The following OTUD5 variants were observed in gnomAD, a reference collection of about 807,000 sequenced individuals.
OTUD5 encodes the protein OTU domain-containing protein 5.
In OTUD5, 2 loss-of-function variants were observed where a neutral mutation model predicts 36.3. That is an observed-to-expected ratio of 0.06 (90% CI 0.02 to 0.17). OTUD5 has a LOEUF of 0.17. OTUD5 is among the 10% of genes least tolerant of loss of function. The probability of loss-of-function intolerance (pLI) is 1.00; values close to 1 mark genes in which losing one functional copy is unlikely to be tolerated. For missense variants in OTUD5, 233 were observed against 512.3 expected, an observed-to-expected ratio of 0.45 and a Z score of 5.26; for synonymous variants, 234 against 214.9, an observed-to-expected ratio of 1.09 and a Z score of -0.78.
chrX:48,955,104 A>G (rs1181579769), intron 1 of OTUD5, among the ~76,000 whole-genome samples: 1 of 111,758 alleles, frequency 8.9e-6, no homozygotes, highest in Non-Finnish European at 1.9e-5. Context: ...TGTCCCAGAG[A>G]GAAAGCTTGG....
intron 5 of OTUD5, among the ~76,000 whole-genome samples, chrX:48,932,130 T>TGA (rs1334705934): frequency 7.9e-5 from 8 of 100,935 alleles, no homozygotes; most frequent in African/African-American, 2.9e-4. Flanking sequence ...GCCTGGGTGA[T>TGA]GAGAGAGAAA....
intron 1 of OTUD5, among the ~76,000 whole-genome samples, chrX:48,955,743 G>A (rs782484908): frequency 3.6e-5 from 4 of 111,378 alleles, no homozygotes; most frequent in Admixed American, 9.5e-5. Flanking sequence ...TCAAACCCCT[G>A]TTACAGAGGG....
chrX:48,926,351 ATTTT>A (rs1318338115), intron 5 of OTUD5, among the ~76,000 whole-genome samples: 3 of 94,832 alleles, frequency 3.2e-5, no homozygotes, highest in Non-Finnish European at 4.2e-5. Context: ...CCTGGGACTT[ATTTT>A]TTTTTTTTTT....
At chrX:48,944,868 C>T (rs967628122) in intron 1 of OTUD5, among the ~76,000 whole-genome samples, 13 of 111,142 alleles carry the variant, frequency 1.2e-4, no homozygotes, top group African/African-American at 3.3e-4. Flanking sequence ...AATAAAAATA[C>T]AAAAGTAGTC....
At chrX:48,925,454 C>CA (rs1178463217) in intron 6 of OTUD5, among the ~76,000 whole-genome samples, 3 of 110,888 alleles carry the variant, frequency 2.7e-5, no homozygotes, top group African/African-American at 9.9e-5. Context: ...ACTGATCTCC[C>CA]AGTCAGGGTC....
chrX:48,943,044 T>C lies in OTUD5; in HGVS notation c.688+1146A>G, dbSNP rs145707678. 7.0e-3 allele frequency among the ~76,000 whole-genome samples: 781 copies of C among 111,103 alleles called. 2 individuals carry two copies. The highest frequency in any genetic ancestry group is 0.01 in the Non-Finnish European group (556 of 52,977). On this transcript the variant is annotated intron_variant, in intron 2 of 8. Coordinates refer to ENST00000376488, the MANE Select transcript of OTUD5 (RefSeq NM_001136157.2). Reference sequence around the variant, plus strand: ...GACCAAGAAGGAACTCAAAGAGGCATTGAGAATCAACACCATTTCACAGAC... The same window carrying C: ...GACCAAGAAGGAACTCAAAGAGGCACTGAGAATCAACACCATTTCACAGAC...
At chrX:48,932,987 C>T (rs896917550) in intron 5 of OTUD5, among the ~76,000 whole-genome samples, 1 of 109,071 alleles carries the variant, frequency 9.2e-6, no homozygotes, top group Non-Finnish European at 1.9e-5. Flanking sequence ...CCCTGTCTCT[C>T]CACCCGCCCA....
At chrX:48,938,593 C>G (rs2063867613) in intron 2 of OTUD5, among the ~76,000 whole-genome samples, 1 of 110,114 alleles carries the variant, frequency 9.1e-6, no homozygotes, top group South Asian at 3.9e-4. Context: ...ATTTGGGAGG[C>G]TGAGGCAGAA....
intron 6 of OTUD5, among the ~76,000 whole-genome samples, chrX:48,924,608 C>T (rs1040832017): frequency 5.4e-5 from 6 of 111,876 alleles, no homozygotes; most frequent in Non-Finnish European, 9.4e-5. Flanking sequence ...ACATTCTGTT[C>T]GGATACACCG....
intron 1 of OTUD5, among the ~76,000 whole-genome samples, chrX:48,946,661 C>A (rs2147646828): frequency 8.9e-6 from 1 of 112,568 alleles, no homozygotes; most frequent in South Asian, 3.6e-4. Context: ...TTAACACACT[C>A]CAGCCAGTTA....
At chrX:48,929,090 A>T (rs1402451155) in intron 5 of OTUD5, among the ~76,000 whole-genome samples, 5 of 110,805 alleles carry the variant, frequency 4.5e-5, no homozygotes, top group African/African-American at 6.6e-5. Context: ...TATGCTATTT[A>T]AAAAAAAATT....
At chrX:48,951,768 G>C (rs2064151179) in intron 1 of OTUD5, among the ~76,000 whole-genome samples, 1 of 111,718 alleles carries the variant, frequency 9.0e-6, no homozygotes, top group Non-Finnish European at 1.9e-5. Flanking sequence ...AAACCTCTAA[G>C]ATTGGCAGGG....
chrX:48,951,561 G>A (rs1486879239), intron 1 of OTUD5, among the ~76,000 whole-genome samples: 1 of 110,510 alleles, frequency 9.0e-6, no homozygotes, highest in Non-Finnish European at 1.9e-5. Context: ...GTTGCAGTGA[G>A]CCAAGATCGC....
At chrX:48,933,576 C>A (rs1557049295) in intron 5 of OTUD5, among the ~76,000 whole-genome samples, 1 of 110,165 alleles carries the variant, frequency 9.1e-6, no homozygotes, top group African/African-American at 3.3e-5. Context: ...CACTGCCACA[C>A]CCAGCTAATT....
intron 5 of OTUD5, among the ~76,000 whole-genome samples, chrX:48,926,813 G>A (rs2063673996): frequency 9.0e-6 from 1 of 111,417 alleles, no homozygotes; most frequent in Non-Finnish European, 1.9e-5. Context: ...AGTAGTGGGT[G>A]TGTGAGGGAA....
At position 48,935,848 on chromosome X, in the gene OTUD5, A is replaced by G. The variant is rs782474879; in HGVS notation, c.689-830T>C. Among the ~76,000 whole-genome samples, 298 of 103,622 alleles carry G rather than the reference A, an allele frequency of 2.9e-3. 1 individual carries two copies. The highest frequency in any genetic ancestry group is 5.2e-3 in the Non-Finnish European group (265 of 51,134). The allele number at this position is 103,622 out of a possible 115,157, so 90.0% of individuals were successfully genotyped here. ...CAGCTACTTGGGAGGCTGAAGCAGG[A>G]GAATCGCTTGAACCCAGGAGGCAGA... On this transcript the variant is annotated intron_variant, in intron 2 of 8. Coordinates refer to ENST00000376488, the MANE Select transcript of OTUD5 (RefSeq NM_001136157.2).
intron 1 of OTUD5, among the ~76,000 whole-genome samples, chrX:48,955,166 T>G (rs2064214631): frequency 9.0e-6 from 1 of 110,870 alleles, no homozygotes; most frequent in African/African-American, 3.3e-5. Context: ...CCAAAAGGAG[T>G]TGGGAGTCTA....
At chrX:48,937,835 C>G (rs2063853216) in intron 2 of OTUD5, among the ~76,000 whole-genome samples, 1 of 111,955 alleles carries the variant, frequency 8.9e-6, no homozygotes, top group South Asian at 3.7e-4. Context: ...TGCTAGTTAC[C>G]CACGAGTCAG....
rs1365809105 is a variant in OTUD5, at chrX:48,925,979, T to C, written c.1131A>G (p.Leu377=). The change falls in exon 6 of 9, where the codon CTA becomes CTG. Residue 377 remains leucine, a synonymous_variant. Coordinates refer to ENST00000376488, the MANE Select transcript of OTUD5 (RefSeq NM_001136157.2). The stretch of plus-strand genomic sequence containing the variant: ...AGTCTGTGGCCCGTTTCTTGTCTTC[T>C]AGCATCTGCTGTTCAATCCATGACT... ...SEESWIEQQM[L]EDKKRATDWE... is the part of the protein sequence containing the mutation. 3 of 1,209,656 alleles carry C rather than the reference T, an allele frequency of 2.5e-6. No individual in the cohort carries two copies. Among genetic ancestry groups the C allele is most frequent in the South Asian group, 3.5e-5 (2 of 56,920 alleles).
Sources: gnomAD v4.1 joint callset for allele counts (sites outside exome capture counted in the v4.1 genomes callset) on GRCh38, gnomAD v4.1.1 for gene constraint, MANE v1.5 for transcripts, NCBI Gene and HGNC (gene_info 2026-07-23, HGNC 2026-07-21) for gene names.